The following CMSS1 variants were observed in gnomAD, a reference collection of about 807,000 sequenced individuals.
CMSS1 encodes the protein cms1 ribosomal small subunit homolog.
Under a neutral mutation model 43.5 loss-of-function variants are expected in CMSS1, and 33 were observed. The ratio of observed to expected loss-of-function variants is 0.76; its 90% CI spans 0.57 to 1.01. The LOEUF (loss-of-function observed/expected upper bound fraction) is 1.01. Ranked by LOEUF, CMSS1 falls within the 50% of genes least tolerant of loss-of-function variation. The probability of loss-of-function intolerance (pLI) is 0.00; values close to 1 mark genes in which losing one functional copy is unlikely to be tolerated. For synonymous variants in CMSS1, 115 were observed against 117.2 expected (o/e 0.98, Z 0.12); for missense variants, 313 against 326.4 (o/e 0.96, Z 0.32).
rs2067165222 is a variant in CMSS1, at chr3:100,178,349, T to A, written c.801T>A (p.Ser267Arg). ...AACTTCTGGAAATGGGAGTGCTCAG[T>A]CTGTGCAAGTCAGAATCCTTGAAAC... ...VFELLEMGVLSLCKSESLKLG... is the reference protein window; with the variant it reads ...VFELLEMGVLRLCKSESLKLG... Residue 267 changes from serine to arginine, a missense_variant, in exon 10 of 10, where the codon AGT (serine) becomes AGA (arginine). Coordinates refer to ENST00000421999, the MANE Select transcript of CMSS1 (RefSeq NM_032359.4). 1 of 1,613,322 alleles carries A rather than the reference T, an allele frequency of 6.2e-7. No individual in the cohort carries two copies. Among genetic ancestry groups the A allele is most frequent in the Admixed American group, 1.7e-5 (1 of 59,986 alleles).
intron 8 of CMSS1, among the ~76,000 whole-genome samples, chr3:100,174,082 G>T (rs886585199): frequency 6.6e-6 from 1 of 152,204 alleles, no homozygotes; most frequent in African/African-American, 2.4e-5. Flanking sequence ...TCTAGTAGCA[G>T]CTGATGTAAC....
At chr3:100,004,140 G>A (rs1310873678) in intron 1 of CMSS1, among the ~76,000 whole-genome samples, 1 of 152,126 alleles carries the variant, frequency 6.6e-6, no homozygotes, top group Non-Finnish European at 1.5e-5. Context: ...CTTCCTAGGG[G>A]ATTTGCAAGG....
chr3:100,012,883 C>T (rs796880460), intron 1 of CMSS1, among the ~76,000 whole-genome samples: 102 of 151,904 alleles, frequency 6.7e-4, no homozygotes, highest in African/African-American at 2.4e-3. Flanking sequence ...AAGCAGTCCT[C>T]CCATCTCAGC....
chr3:100,009,656 A>C (rs1710087253), intron 1 of CMSS1, among the ~76,000 whole-genome samples: 1 of 152,222 alleles, frequency 6.6e-6, no homozygotes, highest in South Asian at 2.1e-4. Context: ...TCTAAGTGTT[A>C]AGGGGAAAGA....
intron 1 of CMSS1, among the ~76,000 whole-genome samples, chr3:99,950,749 T>C (rs917062964): frequency 4.6e-5 from 7 of 152,226 alleles, no homozygotes; most frequent in Non-Finnish European, 8.8e-5. Flanking sequence ...TTCTTTGTTA[T>C]GTTTTCCTTT....
At chr3:99,923,761 T>G (rs1707197520) in intron 1 of CMSS1, among the ~76,000 whole-genome samples, 1 of 152,252 alleles carries the variant, frequency 6.6e-6, no homozygotes, top group Non-Finnish European at 1.5e-5. Flanking sequence ...CATTTGCTCC[T>G]TCAGGCCAAC....
intron 1 of CMSS1, among the ~76,000 whole-genome samples, chr3:100,005,165 G>A (rs978919418): frequency 1.3e-5 from 2 of 152,162 alleles, no homozygotes; most frequent in African/African-American, 4.8e-5. Flanking sequence ...TTACAACCAG[G>A]AAACCTCCCT....
chr3:100,175,805 A>ATGG (rs1380456607), intron 8 of CMSS1, among the ~76,000 whole-genome samples: 7 of 152,190 alleles, frequency 4.6e-5, no homozygotes, highest in Admixed American at 1.3e-4. Context: ...AAAGCAGAGA[A>ATGG]TGGAGTCATT....
chr3:99,863,814 GTTTC>G (rs1371094202), intron 1 of CMSS1, among the ~76,000 whole-genome samples: 2 of 152,178 alleles, frequency 1.3e-5, no homozygotes, highest in Non-Finnish European at 2.9e-5. Flanking sequence ...TACTTGTAGA[GTTTC>G]TTTATGAGTA....
chr3:99,949,481 G>A (rs1004290342), intron 1 of CMSS1, among the ~76,000 whole-genome samples: 3 of 152,248 alleles, frequency 2.0e-5, no homozygotes, highest in Admixed American at 6.5e-5. Flanking sequence ...GTGCTTCCAC[G>A]TATAGTCCCA....
intron 1 of CMSS1, among the ~76,000 whole-genome samples, chr3:100,102,730 G>T (rs964476814): frequency 6.6e-6 from 1 of 152,020 alleles, no homozygotes; most frequent in Non-Finnish European, 1.5e-5. Flanking sequence ...GCTTCCTCTG[G>T]GTTTGTTCAT....
chr3:99,968,138 A>G (rs1708708326), intron 1 of CMSS1, among the ~76,000 whole-genome samples: 2 of 152,170 alleles, frequency 1.3e-5, no homozygotes, highest in South Asian at 4.1e-4. Flanking sequence ...TTACGTGGCA[A>G]TTTAGGGAAG....
chr3:100,132,485 C>T (rs1340620679), intron 1 of CMSS1, among the ~76,000 whole-genome samples: 4 of 152,014 alleles, frequency 2.6e-5, no homozygotes, highest in African/African-American at 9.7e-5. Flanking sequence ...AACATTAAAA[C>T]TTTCCTTGAC....
At chr3:99,917,861 G>C (rs1707001264) in intron 1 of CMSS1, among the ~76,000 whole-genome samples, 1 of 152,154 alleles carries the variant, frequency 6.6e-6, no homozygotes, top group African/African-American at 2.4e-5. Context: ...AGAATCCTAG[G>C]CTTGAGGTAA....
intron 1 of CMSS1, among the ~76,000 whole-genome samples, chr3:100,094,664 G>GA (rs34551213): frequency 7.1e-6 from 1 of 141,360 alleles, no homozygotes; most frequent in East Asian, 2.0e-4. Flanking sequence ...CCATTTGTTG[G>GA]AAAAGCTGCC....
chr3:99,918,127 G>A (rs1011570573), intron 1 of CMSS1, among the ~76,000 whole-genome samples: 2 of 151,888 alleles, frequency 1.3e-5, no homozygotes, highest in Non-Finnish European at 2.9e-5. Context: ...ACAGGCGCGC[G>A]GCACCACGCC....
chr3:100,004,150 G>A (rs1709922590), intron 1 of CMSS1, among the ~76,000 whole-genome samples: 1 of 152,114 alleles, frequency 6.6e-6, no homozygotes, highest in Non-Finnish European at 1.5e-5. Flanking sequence ...GATTTGCAAG[G>A]TAATTTTGAC....
At chr3:100,035,240 C>G (rs1452042785) in intron 1 of CMSS1, among the ~76,000 whole-genome samples, 2 of 152,092 alleles carry the variant, frequency 1.3e-5, no homozygotes, top group African/African-American at 4.8e-5. Flanking sequence ...AAATGAATGT[C>G]CATGCTGTGC....
At chr3:99,916,086 G>A (rs1243881927) in intron 1 of CMSS1, among the ~76,000 whole-genome samples, 1 of 152,176 alleles carries the variant, frequency 6.6e-6, no homozygotes, top group Non-Finnish European at 1.5e-5. Flanking sequence ...TTATTTTGAG[G>A]TGTATCTGTG....
Sources: allele counts gnomAD v4.1 joint callset (sites outside exome capture counted in the v4.1 genomes callset), GRCh38; gene constraint gnomAD v4.1.1; transcripts MANE v1.5; gene names NCBI Gene and HGNC (gene_info 2026-07-23, HGNC 2026-07-21).